Variants in PDE11A observed in about 807,000 individuals in gnomAD.
PDE11A encodes the protein phosphodiesterase 11A.
Under a neutral mutation model 100.5 loss-of-function variants are expected in PDE11A, and 100 were observed. The observed-to-expected ratio is 1.00, with a 90% CI of 0.85 to 1.18. PDE11A has a LOEUF of 1.18. Among genes scored for constraint, PDE11A ranks in the 50% most tolerant of loss-of-function variants. PDE11A has a pLI of 0.00. For synonymous variants in PDE11A, 381 were observed against 420.8 expected (o/e 0.91, Z 1.16); for missense variants, 1,141 against 1,152.6 (o/e 0.99, Z 0.15).
chr2:177,956,674 C>T (rs376921101), intron 2 of PDE11A, among the ~76,000 whole-genome samples: 3 of 152,150 alleles, frequency 2.0e-5, no homozygotes, highest in Non-Finnish European at 2.9e-5. Context: ...TGTCCAACAA[C>T]GATAGACTGG....
chr2:177,846,361 A>G (rs888221499), intron 5 of PDE11A, among the ~76,000 whole-genome samples: 29 of 152,368 alleles, frequency 1.9e-4, no homozygotes, highest in African/African-American at 4.3e-4. Flanking sequence ...TTCTAAAAGC[A>G]TCACAACTTT....
At chr2:178,106,179 T>C (rs2087615803) in intron 1 of PDE11A, among the ~76,000 whole-genome samples, 1 of 152,234 alleles carries the variant, frequency 6.6e-6, no homozygotes, top group East Asian at 1.9e-4. Context: ...ATTGGCAGAA[T>C]AACACAAACA....
At chr2:177,640,772 A>G (rs2080130259) in intron 19 of PDE11A, among the ~76,000 whole-genome samples, 1 of 152,206 alleles carries the variant, frequency 6.6e-6, no homozygotes, top group Non-Finnish European at 1.5e-5. Flanking sequence ...CGGACTGTTT[A>G]CAACTGAATT....
chr2:177,632,725 A>C (rs1423452519), intron 19 of PDE11A, among the ~76,000 whole-genome samples: 3 of 152,130 alleles, frequency 2.0e-5, no homozygotes, highest in Non-Finnish European at 4.4e-5. Context: ...CCCTTTTCAC[A>C]GGAAATCCCA....
At chr2:177,690,519 T>C (rs2081026909) in intron 15 of PDE11A, among the ~76,000 whole-genome samples, 2 of 152,242 alleles carry the variant, frequency 1.3e-5, no homozygotes, top group Non-Finnish European at 2.9e-5. Context: ...ATGAATTGTC[T>C]AGATATTAAT....
chr2:177,836,472 T>A (rs2083402144), intron 6 of PDE11A, among the ~76,000 whole-genome samples: 1 of 152,186 alleles, frequency 6.6e-6, no homozygotes, highest in Non-Finnish European at 1.5e-5. Flanking sequence ...AATGCACCAA[T>A]CAGCTCCCTG....
At chr2:177,653,618 T>C (rs1161584749) in intron 19 of PDE11A, among the ~76,000 whole-genome samples, 3 of 152,166 alleles carry the variant, frequency 2.0e-5, no homozygotes, top group African/African-American at 7.2e-5. Context: ...AAGAAGGTCA[T>C]GTGAAAACAC....
chr2:177,686,147 C>T (rs1365886874), intron 15 of PDE11A, among the ~76,000 whole-genome samples: 1 of 152,164 alleles, frequency 6.6e-6, no homozygotes, highest in African/African-American at 2.4e-5. Flanking sequence ...AAAAGGATGG[C>T]TACTTCGTGA....
At chr2:177,803,565 C>G (rs1197940592) in intron 9 of PDE11A, among the ~76,000 whole-genome samples, 1 of 152,020 alleles carries the variant, frequency 6.6e-6, no homozygotes, top group Non-Finnish European at 1.5e-5. Flanking sequence ...AAAATACTAG[C>G]AAATCAAATC....
At chr2:178,057,047 G>C (rs922380086) in intron 1 of PDE11A, among the ~76,000 whole-genome samples, 1 of 152,136 alleles carries the variant, frequency 6.6e-6, no homozygotes, top group African/African-American at 2.4e-5. Flanking sequence ...AAGACTAAGA[G>C]AAAAGAGGAG....
chr2:177,896,806 T>C (rs998640132), intron 4 of PDE11A, among the ~76,000 whole-genome samples: 2 of 152,138 alleles, frequency 1.3e-5, no homozygotes, highest in Non-Finnish European at 2.9e-5. Context: ...CTGGAAACAC[T>C]CCATAAGTAT....
chr2:177,845,702 C>G (rs943147567), intron 5 of PDE11A, among the ~76,000 whole-genome samples: 5 of 152,054 alleles, frequency 3.3e-5, no homozygotes, highest in Non-Finnish European at 7.4e-5. Flanking sequence ...GAGGTTGTAG[C>G]AAGCCGAGAT....
intron 2 of PDE11A, among the ~76,000 whole-genome samples, chr2:177,961,019 A>C (rs1174664153): frequency 1.3e-5 from 2 of 152,230 alleles, no homozygotes; most frequent in Non-Finnish European, 2.9e-5. Context: ...TATGTGATCC[A>C]GACGGCTTTT....
At chr2:177,931,301 A>G (rs2085202807) in intron 2 of PDE11A, among the ~76,000 whole-genome samples, 1 of 152,250 alleles carries the variant, frequency 6.6e-6, no homozygotes, top group Non-Finnish European at 1.5e-5. Flanking sequence ...TGTTGCTTCA[A>G]AACATATATA....
At chr2:177,722,829 A>G (rs79599919) in intron 12 of PDE11A, among the ~76,000 whole-genome samples, 3,028 of 152,264 alleles carry the variant, frequency 0.02, 42 homozygotes, top group South Asian at 0.033. Context: ...TAATGCTGCC[A>G]TTTATTTTAA....
At chr2:177,651,675 T>C (rs2080311301) in intron 19 of PDE11A, among the ~76,000 whole-genome samples, 1 of 152,236 alleles carries the variant, frequency 6.6e-6, no homozygotes, top group Non-Finnish European at 1.5e-5. Context: ...TCTCTGTTTC[T>C]CTATTTCTCT....
At chr2:177,954,523 C>T (rs767949641) in intron 2 of PDE11A, among the ~76,000 whole-genome samples, 3 of 152,140 alleles carry the variant, frequency 2.0e-5, no homozygotes, top group Non-Finnish European at 2.9e-5. Context: ...CTTCTTTGTA[C>T]ATCAGCCTCC....
chr2:177,860,677 T>G (rs2083930333), intron 5 of PDE11A, among the ~76,000 whole-genome samples: 1 of 151,642 alleles, frequency 6.6e-6, no homozygotes, highest in Non-Finnish European at 1.5e-5. Flanking sequence ...TAAATATAGA[T>G]GCAAAAATTC....
At chr2:177,984,518 C>T (rs1052137778) in intron 2 of PDE11A, among the ~76,000 whole-genome samples, 1 of 152,042 alleles carries the variant, frequency 6.6e-6, no homozygotes, top group African/African-American at 2.4e-5. Context: ...TAAATTTGCA[C>T]CTAATTGTAT....
Sources: gnomAD v4.1 joint callset for allele counts (sites outside exome capture counted in the v4.1 genomes callset) on GRCh38, gnomAD v4.1.1 for gene constraint, MANE v1.5 for transcripts, NCBI Gene and HGNC (gene_info 2026-07-23, HGNC 2026-07-21) for gene names.